Variants in ALDH1A3 observed in about 807,000 individuals in gnomAD.
The protein encoded by ALDH1A3 is retinaldehyde dehydrogenase 3.
In ALDH1A3, 28 loss-of-function variants were observed where a neutral mutation model predicts 57.5. That is an observed-to-expected ratio of 0.49 (90% CI 0.36 to 0.67). The LOEUF is 0.67. ALDH1A3 is among the 30% of genes least tolerant of loss of function. The pLI is 0.00. For missense variants in ALDH1A3, 507 were observed against 669.4 expected (o/e 0.76, Z 2.68); for synonymous variants, 281 against 264.8 (o/e 1.06, Z -0.59).
rs1347756359 is a variant in ALDH1A3 at position 100,893,222 on chromosome 15, C to T, written c.537+216C>T. 8.9e-6 allele frequency: 4 copies of T among 450,882 alleles called. No individual in the cohort carries two copies. Among genetic ancestry groups the T allele is most frequent in the Admixed American group, 3.7e-5 (1 of 27,136 alleles). The allele number at this position is 450,882 out of a possible 1,614,324, so 27.9% of individuals were successfully genotyped here. ...CCGGCTTTAGGCATGCCACAGAAAG[C>T]ACTGTGGTTCCCAGCCAGAGTGGTC... On this transcript the variant is annotated intron_variant, in intron 5 of 12. Coordinates refer to ENST00000329841, the MANE Select transcript of ALDH1A3 (RefSeq NM_000693.4). This position sits in a 1 kb window ranked among gnomAD's most constrained non-coding sequence, Gnocchi z 4.8.
In ALDH1A3 at chr15:100,885,243, G is replaced by A. The variant is rs748553426; in HGVS notation, c.100-24G>A. 2.0e-5 allele frequency: 30 copies of A among 1,511,606 alleles called. 1 individual carries two copies. In the South Asian group the frequency reaches 3.1e-4, roughly 16 times the overall value. The allele number at this position is 1,511,606 out of a possible 1,614,324, so 93.6% of individuals were successfully genotyped here. ...ATATGATTTTGATCTAAACCTAATT[G>A]GTTACACTTCCTTTCCTGGTTAGAT... On this transcript the variant is annotated intron_variant, in intron 1 of 12. Coordinates refer to ENST00000329841, the MANE Select transcript of ALDH1A3 (RefSeq NM_000693.4).
chr15:100,914,805 G>C lies in ALDH1A3; in HGVS notation c.*32G>C, dbSNP rs1456701105. The C allele has an allele frequency of 6.2e-7, 1 of 1,606,600 alleles. No individual in the cohort carries two copies. Among genetic ancestry groups the C allele is most frequent in the East Asian group, 2.2e-5 (1 of 44,842 alleles). Reference sequence around the variant, plus strand: ...GGCGGGGCTCCTTCCTCAAACATCGGACGGCGGAATGTGGCAGATGAAATG... The same window carrying C: ...GGCGGGGCTCCTTCCTCAAACATCGCACGGCGGAATGTGGCAGATGAAATG... On this transcript the variant is annotated 3_prime_UTR_variant, in exon 13 of 13. Transcript: ENST00000329841.
rs1205695833 is a variant in ALDH1A3 at position 100,906,185 on chromosome 15, C to T, written c.1233+498C>T. Reference sequence around the variant, plus strand: ...TTTTATTGACATTTTCCACCACGGACGTCTTGAAAATGAGGGAAATTAAGG... The same window carrying T: ...TTTTATTGACATTTTCCACCACGGATGTCTTGAAAATGAGGGAAATTAAGG... On this transcript the variant is annotated intron_variant, in intron 10 of 12. Coordinates refer to ENST00000329841, the MANE Select transcript of ALDH1A3 (RefSeq NM_000693.4). This position sits in a 1 kb window ranked among gnomAD's most constrained non-coding sequence, Gnocchi z 4.8. 6.6e-6 allele frequency among the ~76,000 whole-genome samples: 1 copy of T among 152,194 alleles called. No individual in the cohort carries two copies. The highest frequency in any genetic ancestry group is 1.9e-4 in the East Asian group (1 of 5,202).
rs2141551835 is a variant in ALDH1A3, at chr15:100,889,419, A to G, written c.345+1707A>G. Among the ~76,000 whole-genome samples, 1 of 152,220 alleles carries G rather than the reference A, an allele frequency of 6.6e-6. No individual in the cohort carries two copies. Among genetic ancestry groups the G allele is most frequent in the Middle Eastern group, 3.4e-3 (1 of 294 alleles). On this transcript the variant is annotated intron_variant, in intron 3 of 12. Coordinates refer to ENST00000329841, the MANE Select transcript of ALDH1A3 (RefSeq NM_000693.4). This position sits in a 1 kb window ranked among gnomAD's most constrained non-coding sequence, Gnocchi z 5.1. ...CCTTCCCAGTCAGCCCGGCCAGTCCACATGTTCCCCGGGTGAGAGTAGCTC... is the reference window on the plus strand; with the variant it reads ...CCTTCCCAGTCAGCCCGGCCAGTCCGCATGTTCCCCGGGTGAGAGTAGCTC...
chr15:100,894,725 T>C lies in ALDH1A3; in HGVS notation c.666+643T>C, dbSNP rs909922521. ...CTTTCTCTTCTTAGTCGGGCTGATA[T>C]GACCGGCAGGCAGGTCCACAGTTGC... On this transcript the variant is annotated intron_variant, in intron 6 of 12. Coordinates refer to ENST00000329841, the MANE Select transcript of ALDH1A3 (RefSeq NM_000693.4). The surrounding 1 kb of genome is among the most constrained non-coding windows in gnomAD (Gnocchi z 4.5). The C allele has an allele frequency of 6.6e-6, 1 of 152,346 alleles. No homozygotes were observed. The highest frequency in any genetic ancestry group is 1.5e-5 in the Non-Finnish European group (1 of 68,146). 9.4% of individuals were successfully genotyped at this position (152,346 alleles called of 1,614,324 possible). A position where few individuals can be genotyped will look rare whatever the true frequency, so the allele number is the denominator to read the frequency against.
chr15:100,879,848 C>G lies in ALDH1A3; in HGVS notation c.-60C>G. 1 of 1,251,226 alleles carries G rather than the reference C, an allele frequency of 8.0e-7. No individual in the cohort carries two copies. The highest frequency in any genetic ancestry group is 1.0e-6 in the Non-Finnish European group (1 of 974,890). The allele number at this position is 1,251,226 out of a possible 1,614,324, so 77.5% of individuals were successfully genotyped here. On this transcript the variant is annotated 5_prime_UTR_variant, in exon 1 of 13. Coordinates refer to ENST00000329841, the MANE Select transcript of ALDH1A3 (RefSeq NM_000693.4). Reference sequence around the variant, plus strand: ...ACCCCGGGAGCGGGCTGCGCAGTGTCCGGGCCGAGCCGGTGCGCCGCAGAC... The same window carrying G: ...ACCCCGGGAGCGGGCTGCGCAGTGTGCGGGCCGAGCCGGTGCGCCGCAGAC...
chr15:100,898,617 A>T (rs1489172964), intron 8 of ALDH1A3, among the ~76,000 whole-genome samples: 1 of 152,184 alleles, frequency 6.6e-6, no homozygotes, highest in Non-Finnish European at 1.5e-5. Flanking sequence ...CATATGTTTT[A>T]AGATCCCTGA....
chr15:100,891,178 C>T (rs2041645838), intron 3 of ALDH1A3, among the ~76,000 whole-genome samples: 1 of 152,238 alleles, frequency 6.6e-6, no homozygotes, highest in South Asian at 2.1e-4. Context: ...GGTTGCTGCT[C>T]TGTGGACACT....
At position 100,900,774 on chromosome 15, in the gene ALDH1A3, G is replaced by A. The variant is rs1039598724; in HGVS notation, c.1068+15G>A. 6.2e-7 allele frequency: 1 copy of A among 1,612,590 alleles called. No individual in the cohort carries two copies. Among genetic ancestry groups the A allele is most frequent in the South Asian group, 1.1e-5 (1 of 90,732 alleles). On this transcript the variant is annotated intron_variant, in intron 9 of 12. Transcript: ENST00000329841. ...AGGGGCCTCAGGTAATCCCCCTGGT[G>A]TGTGTGAAACCATGGTGCTTGTCTA... is the stretch of plus-strand genomic sequence containing the variant.
intron 4 of ALDH1A3, 85 bp from the exon 5 acceptor site, chr15:100,892,860 G>A: frequency 2.0e-6 from 3 of 1,474,628 alleles, no homozygotes; most frequent in Non-Finnish European, 2.8e-6. Flanking sequence ...ACCCTTGTTG[G>A]TTTCTTTCTT....
intron 8 of ALDH1A3, among the ~76,000 whole-genome samples, chr15:100,899,452 C>T (rs1026013555): frequency 6.6e-6 from 1 of 152,220 alleles, no homozygotes; most frequent in East Asian, 1.9e-4. Flanking sequence ...CTTGGTTTTA[C>T]TTACGAGGGT....
chr15:100,893,797 G>C lies in ALDH1A3; in HGVS notation c.538-157G>C. On this transcript the variant is annotated intron_variant, in intron 5 of 12. Transcript: ENST00000329841. This position sits in a 1 kb window ranked among gnomAD's most constrained non-coding sequence, Gnocchi z 4.8. The stretch of plus-strand genomic sequence containing the variant: ...AATGCAGTTTAGGAAGTGCTGTGCA[G>C]GATTGCAGTTCTGATCATTGCACAC... 1.1e-6 allele frequency: 1 copy of C among 950,704 alleles called. No individual in the cohort carries two copies. The highest frequency in any genetic ancestry group is 1.5e-6 in the Non-Finnish European group (1 of 649,800). 58.9% of individuals were successfully genotyped at this position (950,704 alleles called of 1,614,324 possible).
rs770376895 is a variant in ALDH1A3 at position 100,894,238 on chromosome 15, T to C, written c.666+156T>C. 5 of 919,864 alleles carry C rather than the reference T, an allele frequency of 5.4e-6. No individual in the cohort carries two copies. Among genetic ancestry groups the C allele is most frequent in the Non-Finnish European group, 6.4e-6 (4 of 621,644 alleles). The allele number at this position is 919,864 out of a possible 1,614,324, so 57.0% of individuals were successfully genotyped here. ...TTTTGTTTGGCGACTGCACGTTCTT[T>C]CTCCTGCTTGTGGCCACTGAGCTGG... On this transcript the variant is annotated intron_variant, in intron 6 of 12. Transcript: ENST00000329841. This position sits in a 1 kb window ranked among gnomAD's most constrained non-coding sequence, Gnocchi z 4.5.
intron 1 of ALDH1A3, among the ~76,000 whole-genome samples, chr15:100,881,914 T>C (rs775373422): frequency 3.9e-5 from 6 of 152,096 alleles, no homozygotes; most frequent in Non-Finnish European, 8.8e-5. Flanking sequence ...TGGCTGAGGG[T>C]GGCCAACCAG....
rs183982426 is a variant in ALDH1A3 at position 100,887,402 on chromosome 15, G to T, written c.205-170G>T. On this transcript the variant is annotated intron_variant, in intron 2 of 12. Transcript: ENST00000329841. The surrounding 1 kb of genome is among the most constrained non-coding windows in gnomAD (Gnocchi z 4.6). ...CACCTCAAAAGATGACACCGAAACT[G>T]CAGTCACTTCAAAAGATGACACCCA... Among the ~76,000 whole-genome samples, 13 of 151,510 alleles carry T rather than the reference G, an allele frequency of 8.6e-5. No individual in the cohort carries two copies. The highest frequency in any genetic ancestry group is 8.5e-4 in the Admixed American group (13 of 15,230).
intron 2 of ALDH1A3, among the ~76,000 whole-genome samples, chr15:100,886,494 G>C (rs746121000): frequency 9.9e-5 from 15 of 152,156 alleles, no homozygotes; most frequent in Non-Finnish European, 2.1e-4. Context: ...GAGCCTGGGA[G>C]AAGAAATTCA....
intron 12 of ALDH1A3, among the ~76,000 whole-genome samples, chr15:100,909,967 C>T (rs1324308639): frequency 2.0e-5 from 3 of 152,226 alleles, no homozygotes; most frequent in African/African-American, 7.2e-5. Flanking sequence ...CTTCTTCCAG[C>T]GGGAACAGAC....
At chr15:100,901,722 G>A (rs1294293494) in intron 9 of ALDH1A3, among the ~76,000 whole-genome samples, 1 of 152,204 alleles carries the variant, frequency 6.6e-6, no homozygotes, top group Non-Finnish European at 1.5e-5. Context: ...TTTTTAAACA[G>A]GAGGAAGCTT....
At chr15:100,902,626 A>G (rs2041781191) in intron 9 of ALDH1A3, among the ~76,000 whole-genome samples, 1 of 152,244 alleles carries the variant, frequency 6.6e-6, no homozygotes, top group South Asian at 2.1e-4. Context: ...TCCTCCGGGC[A>G]GAGAGCCGAG....
Sources: allele counts gnomAD v4.1 joint callset (sites outside exome capture counted in the v4.1 genomes callset), GRCh38; gene constraint gnomAD v4.1.1; non-coding constraint Gnocchi (gnomAD v3.1); transcripts MANE v1.5; gene names NCBI Gene and HGNC (gene_info 2026-07-23, HGNC 2026-07-21).